XPO1: variants seen among roughly 807,000 people sequenced by gnomAD.
XPO1 encodes exportin 1, also known as exportin-1.
A neutral mutation model predicts 133.3 loss-of-function variants in XPO1; 5 were observed. That is an observed-to-expected ratio of 0.04 (90% CI 0.02 to 0.08). The LOEUF is 0.08. Ranked by LOEUF, XPO1 falls within the 10% of genes least tolerant of loss-of-function variation. The pLI is 1.00. For missense variants in XPO1, 506 were observed against 1,267.5 expected (o/e 0.40, Z 9.12); for synonymous variants, 419 against 408.2 (o/e 1.03, Z -0.32).
chr2:61,517,694 G>C (rs1275507852), intron 4 of XPO1, among the ~76,000 whole-genome samples: 2 of 152,098 alleles, frequency 1.3e-5, no homozygotes, highest in East Asian at 1.9e-4. Context: ...TAGCAATTTG[G>C]GACGGCAAAG....
At chr2:61,497,340 T>C (rs1189228326) in intron 9 of XPO1, among the ~76,000 whole-genome samples, 1 of 152,126 alleles carries the variant, frequency 6.6e-6, no homozygotes, top group African/African-American at 2.4e-5. Context: ...GCCTCTCAAA[T>C]AGCTGGGACT....
At chr2:61,521,741 A>G (rs570002266) in intron 4 of XPO1, among the ~76,000 whole-genome samples, 25 of 151,886 alleles carry the variant, frequency 1.6e-4, no homozygotes, top group African/African-American at 6.0e-4. Flanking sequence ...AACCTTACAT[A>G]TGGTTTTTTT....
At chr2:61,520,768 C>T (rs189610614) in intron 4 of XPO1, among the ~76,000 whole-genome samples, 41 of 152,238 alleles carry the variant, frequency 2.7e-4, no homozygotes, top group African/African-American at 9.4e-4. Flanking sequence ...TCTTCCAGAA[C>T]CATCAAATGT....
chr2:61,483,839 T>A, intron 21 of XPO1, 98 bp downstream of exon 21: 2 of 1,389,372 alleles, frequency 1.4e-6, no homozygotes, highest in South Asian at 1.3e-5. Context: ...ATTCACACAC[T>A]CAAAACTCTG....
Position 61,478,757 on chromosome 2 carries a change from AC to A in XPO1, c.*62del. ...ATTGGCATCATTTTGGTCGACAAAT[AC>A]CCACATGCTGTTTTCCTCTGCTAAC... On this transcript the variant is annotated 3_prime_UTR_variant, in exon 25 of 25. Transcript: ENST00000401558. 1.3e-6 allele frequency: 2 copies of A among 1,550,480 alleles called. No homozygotes were observed. Among genetic ancestry groups the A allele is most frequent in the Non-Finnish European group, 8.7e-7 (1 of 1,144,210 alleles).
intron 17 of XPO1, among the ~76,000 whole-genome samples, chr2:61,489,348 G>C (rs910043860): frequency 2.6e-5 from 4 of 150,974 alleles, no homozygotes; most frequent in African/African-American, 9.7e-5. Context: ...GGGAGGCAGA[G>C]GTTGCAGTGA....
At chr2:61,536,912 A>G (rs907523468) in intron 1 of XPO1, 13 of 152,408 alleles carry the variant, frequency 8.5e-5, no homozygotes, top group African/African-American at 2.2e-4. Context: ...TCCACTGTAC[A>G]AGGCCAACAG....
At chr2:61,536,572 ACTGCTCC>A (rs1268675848) in intron 1 of XPO1, 1 of 152,266 alleles carries the variant, frequency 6.6e-6, no homozygotes, top group Non-Finnish European at 1.5e-5. Flanking sequence ...AAGGCGAAAG[ACTGCTCC>A]TTAGGTTGTG....
rs1237852907 is a variant in XPO1 at position 61,519,311 on chromosome 2, TA to T, written c.301+3299del. Among the ~76,000 whole-genome samples the T allele has an allele frequency of 3.3e-5, 5 of 152,228 alleles. No individual in the cohort carries two copies. In the East Asian group the frequency reaches 9.7e-4, roughly 29 times the overall value. On this transcript the variant is annotated intron_variant, in intron 4 of 24. Coordinates refer to ENST00000401558, the MANE Select transcript of XPO1 (RefSeq NM_003400.4). ...CACTGGTACAGGATACAGTAACGTATAACACAGCAAGAGACATCTAACCCAC... is the reference window on the plus strand; with the variant it reads ...CACTGGTACAGGATACAGTAACGTATACACAGCAAGAGACATCTAACCCAC...
chr2:61,531,179 G>C (rs1699139070), intron 2 of XPO1, among the ~76,000 whole-genome samples: 1 of 152,180 alleles, frequency 6.6e-6, no homozygotes. Flanking sequence ...TAACGACATA[G>C]GACTTTTAGA....
intron 17 of XPO1, 119 bp downstream of exon 17, chr2:61,490,523 C>A: frequency 7.3e-7 from 1 of 1,371,722 alleles, no homozygotes. Flanking sequence ...TAGAAAGACA[C>A]ACATAAAAGC....
intron 1 of XPO1, chr2:61,537,267 G>C (rs1421940542): frequency 1.3e-5 from 2 of 151,058 alleles, no homozygotes; most frequent in Non-Finnish European, 3.0e-5. Flanking sequence ...CCCACCCCGC[G>C]CGGGGCCCCG....
chr2:61,533,010 C>G (rs1345722838), intron 2 of XPO1, among the ~76,000 whole-genome samples: 4 of 151,946 alleles, frequency 2.6e-5, no homozygotes, highest in African/African-American at 9.7e-5. Flanking sequence ...GAAACCCCAT[C>G]TCTACTAAAA....
intron 7 of XPO1, 81 bp downstream of exon 7, chr2:61,499,632 A>C: frequency 7.5e-7 from 1 of 1,335,752 alleles, no homozygotes; most frequent in South Asian, 1.5e-5. Flanking sequence ...TAGTTCCTTA[A>C]AATATCTACA....
chr2:61,523,104 T>C (rs1698767543), intron 3 of XPO1, among the ~76,000 whole-genome samples: 1 of 152,208 alleles, frequency 6.6e-6, no homozygotes, highest in African/African-American at 2.4e-5. Flanking sequence ...CCTACCATCC[T>C]CTAGGAGTTA....
chr2:61,520,835 A>G (rs1242748201), intron 4 of XPO1, among the ~76,000 whole-genome samples: 1 of 152,224 alleles, frequency 6.6e-6, no homozygotes, highest in African/African-American at 2.4e-5. Flanking sequence ...ATTATACAAC[A>G]GTAAAATGGG....
intron 2 of XPO1, among the ~76,000 whole-genome samples, chr2:61,532,451 A>G (rs1048356627): frequency 6.6e-6 from 1 of 152,010 alleles, no homozygotes; most frequent in Admixed American, 6.6e-5. Flanking sequence ...TAATTATGCA[A>G]ATATAAATAT....
At position 61,533,900 on chromosome 2, in the gene XPO1, A is replaced by G. The variant is rs1352120213; in HGVS notation, c.-3T>C. On this transcript the variant is annotated 5_prime_UTR_variant, in exon 2 of 25. Transcript: ENST00000401558. Reference sequence around the variant, plus strand: ...AACATTGTCATAATTGCTGGCATAGATTACTGAAAATAAAGAAAAAAAATT... The same window carrying G: ...AACATTGTCATAATTGCTGGCATAGGTTACTGAAAATAAAGAAAAAAAATT... The G allele has an allele frequency of 6.5e-7, 1 of 1,527,766 alleles. No individual in the cohort carries two copies. Among genetic ancestry groups the G allele is most frequent in the Admixed American group, 2.3e-5 (1 of 43,682 alleles). 94.6% of individuals were successfully genotyped at this position (1,527,766 alleles called of 1,614,324 possible). A position where few individuals can be genotyped will look rare whatever the true frequency, so the allele number is the denominator to read the frequency against.
At position 61,493,067 on chromosome 2, in the gene XPO1, T is replaced by C. The variant is rs1430825263; in HGVS notation, c.1246-14A>G. 1 of 1,553,914 alleles carries C rather than the reference T, an allele frequency of 6.4e-7. No individual in the cohort carries two copies. Among genetic ancestry groups the C allele is most frequent in the Non-Finnish European group, 8.6e-7 (1 of 1,160,680 alleles). On this transcript the variant is annotated splice_polypyrimidine_tract_variant and intron_variant, in intron 12 of 24. Coordinates refer to ENST00000401558, the MANE Select transcript of XPO1 (RefSeq NM_003400.4). ...TAATAAACGGACCTATACTCAACAA[T>C]ATATCAATCAAGAAAAAAATCGTTA...
Sources: gnomAD v4.1 joint callset for allele counts (sites outside exome capture counted in the v4.1 genomes callset) on GRCh38, gnomAD v4.1.1 for gene constraint, MANE v1.5 for transcripts, NCBI Gene and HGNC (gene_info 2026-07-23, HGNC 2026-07-21) for gene names.